CADM1: variants seen among roughly 807,000 people sequenced by gnomAD.
CADM1 encodes the protein TSLC-1.
In CADM1, 15 loss-of-function variants were observed where a neutral mutation model predicts 53.1. That is an observed-to-expected ratio of 0.28 (90% confidence interval 0.19 to 0.44). The LOEUF is 0.44. Among genes scored for constraint, CADM1 ranks in the 20% least tolerant of loss-of-function variants. The pLI is 1.00. For synonymous variants in CADM1, 281 were observed against 243.0 expected (o/e 1.16, Z -1.45); for missense variants, 434 against 611.3 (o/e 0.71, Z 3.06).
intron 10 of CADM1, among the ~76,000 whole-genome samples, chr11:115,182,925 G>A (rs1939379606): frequency 1.3e-5 from 2 of 152,206 alleles, no homozygotes; most frequent in African/African-American, 4.8e-5. Flanking sequence ...CCAGCTGCTT[G>A]CAGAATGTTA....
intron 1 of CADM1, among the ~76,000 whole-genome samples, chr11:115,254,133 G>T (rs1942697462): frequency 6.6e-6 from 1 of 152,156 alleles, no homozygotes; most frequent in African/African-American, 2.4e-5. Context: ...TGAGCTCCTT[G>T]AGAGCAGTCA....
At chr11:115,269,430 T>C (rs1789509421) in intron 1 of CADM1, among the ~76,000 whole-genome samples, 1 of 152,210 alleles carries the variant, frequency 6.6e-6, no homozygotes, top group South Asian at 2.1e-4. Flanking sequence ...ATTTCCGTTA[T>C]TCAGGACTCC....
intron 1 of CADM1, among the ~76,000 whole-genome samples, chr11:115,255,860 C>T (rs977094237): frequency 6.6e-6 from 1 of 152,176 alleles, no homozygotes; most frequent in Non-Finnish European, 1.5e-5. Flanking sequence ...ATAACAACAA[C>T]CAATGCACAA....
chr11:115,290,243 T>A (rs1442689277), intron 1 of CADM1, among the ~76,000 whole-genome samples: 2 of 152,182 alleles, frequency 1.3e-5, no homozygotes, highest in Admixed American at 1.3e-4. Flanking sequence ...GTTGAGACAC[T>A]TCTGAGGGGA....
chr11:115,215,527 C>T (rs1416253908), intron 6 of CADM1, among the ~76,000 whole-genome samples: 1 of 152,190 alleles, frequency 6.6e-6, no homozygotes, highest in Non-Finnish European at 1.5e-5. Context: ...GTGGGTAGGG[C>T]TCTCAGGCTA....
chr11:115,172,724 G>C lies in CADM1; in HGVS notation c.*3750C>G. The C allele has an allele frequency of 1.0e-5, 1 of 98,264 alleles. No individual in the cohort carries two copies. Among genetic ancestry groups the C allele is most frequent in the African/African-American group, 3.8e-5 (1 of 26,042 alleles). 6.1% of individuals were successfully genotyped at this position (98,264 alleles called of 1,614,324 possible). A position where few individuals can be genotyped will look rare whatever the true frequency, so the allele number is the denominator to read the frequency against. On this transcript the variant is annotated 3_prime_UTR_variant, in exon 12 of 12. Transcript: ENST00000331581. Reference sequence around the variant, plus strand: ...GCAGGTGCTCAATAACTGCATATCTGATTTTTTTTTTTTTTTTTTTTTTTT... The same window carrying C: ...GCAGGTGCTCAATAACTGCATATCTCATTTTTTTTTTTTTTTTTTTTTTTT...
intron 1 of CADM1, among the ~76,000 whole-genome samples, chr11:115,327,559 A>G (rs1406734598): frequency 1.3e-5 from 2 of 152,036 alleles, no homozygotes; most frequent in Non-Finnish European, 1.5e-5. Context: ...TGTTAGAATC[A>G]CCTATTCAGC....
At chr11:115,475,856 T>C (rs991174522) in intron 1 of CADM1, among the ~76,000 whole-genome samples, 1 of 152,228 alleles carries the variant, frequency 6.6e-6, no homozygotes, top group Non-Finnish European at 1.5e-5. Context: ...GTGGTAATCA[T>C]ACCACTGTAA....
At chr11:115,220,990 C>T (rs1941384727) in intron 5 of CADM1, among the ~76,000 whole-genome samples, 1 of 152,162 alleles carries the variant, frequency 6.6e-6, no homozygotes, top group Non-Finnish European at 1.5e-5. Flanking sequence ...ACCCACCAAA[C>T]CTTTTCTGAA....
intron 8 of CADM1, among the ~76,000 whole-genome samples, chr11:115,206,755 C>CTTTTT (rs1194703150): frequency 3.5e-3 from 19 of 5,442 alleles, no homozygotes; most frequent in Middle Eastern, 0.083. Flanking sequence ...TGACTGTGGA[C>CTTTTT]TTCTTTTTTT....
chr11:115,244,120 C>CT (rs1383137211), intron 1 of CADM1, among the ~76,000 whole-genome samples: 3 of 152,206 alleles, frequency 2.0e-5, no homozygotes, highest in African/African-American at 4.8e-5. Context: ...GTCCCATTCG[C>CT]TTACAATCAA....
At chr11:115,267,792 T>C (rs1264053236) in intron 1 of CADM1, among the ~76,000 whole-genome samples, 2 of 149,828 alleles carry the variant, frequency 1.3e-5, no homozygotes, top group Non-Finnish European at 3.0e-5. Context: ...TAAGGCAACA[T>C]GGCTGGGTGG....
intron 10 of CADM1, among the ~76,000 whole-genome samples, chr11:115,180,917 G>A (rs1459983552): frequency 2.0e-5 from 3 of 152,118 alleles, no homozygotes; most frequent in East Asian, 1.9e-4. Flanking sequence ...TGTGTCTTTC[G>A]ATGAACTCTG....
rs1298098341 is a variant in CADM1 at position 115,192,044 on chromosome 11, T to C, written c.1112-1103A>G. On this transcript the variant is annotated intron_variant, in intron 9 of 11. Coordinates refer to ENST00000331581, the MANE Select transcript of CADM1 (RefSeq NM_001301043.2). ...ATTTGTTGAATTAATAATTTGGGAA[T>C]AATGCCCAATCAGAGCATAAAAGCA... Among the ~76,000 whole-genome samples the C allele has an allele frequency of 2.0e-5, 3 of 152,324 alleles. No homozygotes were observed. In the East Asian group the frequency reaches 5.8e-4, roughly 29 times the overall value.
At chr11:115,349,801 G>A (rs1236440724) in intron 1 of CADM1, among the ~76,000 whole-genome samples, 2 of 152,096 alleles carry the variant, frequency 1.3e-5, no homozygotes, top group East Asian at 3.9e-4. Context: ...CACTGTTCTA[G>A]GTCCCTCCAT....
intron 3 of CADM1, among the ~76,000 whole-genome samples, chr11:115,234,670 A>G (rs1179552888): frequency 6.6e-6 from 1 of 152,068 alleles, no homozygotes; most frequent in Non-Finnish European, 1.5e-5. Context: ...AGGTGGGTGG[A>G]TCACCTGGGG....
intron 1 of CADM1, among the ~76,000 whole-genome samples, chr11:115,465,842 T>C (rs2135382017): frequency 6.6e-6 from 1 of 152,326 alleles, no homozygotes; most frequent in South Asian, 2.1e-4. Context: ...GAATTTGGAA[T>C]GCCTTTGCCT....
chr11:115,280,120 T>C (rs949597021), intron 1 of CADM1, among the ~76,000 whole-genome samples: 1 of 152,226 alleles, frequency 6.6e-6, no homozygotes, highest in Admixed American at 6.5e-5. Flanking sequence ...TGATAACCTC[T>C]ACAGACTATC....
intron 1 of CADM1, among the ~76,000 whole-genome samples, chr11:115,246,151 T>C (rs1342451042): frequency 3.3e-5 from 5 of 152,174 alleles, no homozygotes; most frequent in Non-Finnish European, 7.4e-5. Flanking sequence ...ACAAATGCAA[T>C]TCTTTATTTC....
Sources: gnomAD v4.1 joint callset for allele counts (sites outside exome capture counted in the v4.1 genomes callset) on GRCh38, gnomAD v4.1.1 for gene constraint, MANE v1.5 for transcripts, NCBI Gene and HGNC (gene_info 2026-07-23, HGNC 2026-07-21) for gene names.